The following PIEZO1 variants were observed in gnomAD, a reference collection of about 807,000 sequenced individuals.
The protein encoded by PIEZO1 is piezo-type mechanosensitive ion channel component 1.
PIEZO1 carries 296 observed loss-of-function variants against 297.2 expected under a neutral mutation model. That is an observed-to-expected ratio of 1.00 (90% CI 0.91 to 1.10). The LOEUF is 1.10. Among genes scored for constraint, PIEZO1 ranks in the 50% least tolerant of loss-of-function variants. The pLI, the probability that PIEZO1 is intolerant of heterozygous loss-of-function variation, is 0.00. For synonymous variants in PIEZO1, 2,427 were observed against 1,507.5 expected, an observed-to-expected ratio of 1.61 and a Z score of -14.13; for missense variants, 5,018 against 3,455.5, an observed-to-expected ratio of 1.45 and a Z score of -11.34.
In PIEZO1 at chr16:88,753,442, G is replaced by A. The variant is rs1906501499; in HGVS notation, c.65-3963C>T. Reference sequence around the variant, plus strand: ...GCCTTGCCACAGACACCAAGCAGGGGCAGCCTCACGGGTGGGATGAGAAGG... The same window carrying A: ...GCCTTGCCACAGACACCAAGCAGGGACAGCCTCACGGGTGGGATGAGAAGG... On this transcript the variant is annotated intron_variant, in intron 1 of 50. Transcript: ENST00000301015. 2.0e-5 allele frequency among the ~76,000 whole-genome samples: 3 copies of A among 151,930 alleles called. No individual in the cohort carries two copies. In the Middle Eastern group the frequency reaches 0.01, roughly 517 times the overall value.
Position 88,721,897 on chromosome 16 carries a change from C to T in PIEZO1, c.5125G>A (p.Val1709Met). The change falls in exon 37 of 51, where the codon GTG becomes ATG. Residue 1709 changes from valine to methionine, a missense_variant. Coordinates refer to ENST00000301015, the MANE Select transcript of PIEZO1 (RefSeq NM_001142864.4). ...HMVTASAGSLVLPVLVFLWAM... is the reference protein window; with the variant it reads ...HMVTASAGSLMLPVLVFLWAM... Reference sequence around the variant, plus strand: ...CACAGGAAGACGAGCACGGGCAGCACCAGCGAGCCGGCGGAGGCCGTGACC... The same window carrying T: ...CACAGGAAGACGAGCACGGGCAGCATCAGCGAGCCGGCGGAGGCCGTGACC... 2 of 1,550,086 alleles carry T rather than the reference C, an allele frequency of 1.3e-6. No homozygotes were observed. Among genetic ancestry groups the T allele is most frequent in the East Asian group, 2.4e-5 (1 of 40,902 alleles).
intron 40 of PIEZO1, 32 bp downstream of exon 40, chr16:88,720,584 C>T: frequency 6.5e-7 from 1 of 1,541,454 alleles, no homozygotes. Flanking sequence ...CCCACCCCCA[C>T]TCCCCAGCTG....
intron 21 of PIEZO1, 46 bp from the exon 22 acceptor site, chr16:88,731,956 G>GAGGGCGGGGT (rs747246644): frequency 3.5e-6 from 1 of 287,266 alleles, no homozygotes; most frequent in African/African-American, 2.2e-5. Flanking sequence ...TGAGTCTGGG[G>GAGGGCGGGGT]GGAGGGACTT....
Position 88,721,442 on chromosome 16 carries a change from G to C in PIEZO1, c.5404-12C>G, listed in dbSNP as rs769409639. ...CAGAGGCCATAGCACTGAGGGGCGG[G>C]AGGGTGTGGTGAGGGGGCCTTGCCT... On this transcript the variant is annotated splice_polypyrimidine_tract_variant and intron_variant, in intron 38 of 50. Transcript: ENST00000301015. 6.5e-7 allele frequency: 1 copy of C among 1,543,810 alleles called. No homozygotes were observed. The highest frequency in any genetic ancestry group is 8.8e-7 in the Non-Finnish European group (1 of 1,142,052).
At chr16:88,757,267 G>A (rs1398360147) in intron 1 of PIEZO1, among the ~76,000 whole-genome samples, 1 of 148,400 alleles carries the variant, frequency 6.7e-6, no homozygotes, top group East Asian at 2.0e-4. Context: ...GAGAGAGCTG[G>A]CAGCGCAGCA....
In PIEZO1 at chr16:88,715,406, G is replaced by GA. The variant is rs1911914811; in HGVS notation, c.*198dup. ...AAAAAACTCTACAGTACACGTGGGG[G>GA]ACGGCAGCGCCACGCAGGCCGTGGG... On this transcript the variant is annotated 3_prime_UTR_variant, in exon 51 of 51. Transcript: ENST00000301015. 1.0e-5 allele frequency: 10 copies of GA among 978,224 alleles called. 1 individual carries two copies. In the Middle Eastern group the frequency reaches 9.9e-4, roughly 97 times the overall value. 60.6% of individuals were successfully genotyped at this position (978,224 alleles called of 1,614,324 possible).
At position 88,720,488 on chromosome 16, in the gene PIEZO1, A is replaced by C. The variant is rs1179291814; in HGVS notation, c.5846T>G (p.Ile1949Ser). 1.0e-5 allele frequency: 16 copies of C among 1,550,386 alleles called. No homozygotes were observed. The highest frequency in any genetic ancestry group is 1.4e-5 in the Non-Finnish European group (16 of 1,146,954). The change falls in exon 41 of 51, where the codon ATC (isoleucine) becomes AGC (serine). Residue 1949 changes from isoleucine to serine, a missense_variant. Coordinates refer to ENST00000301015, the MANE Select transcript of PIEZO1 (RefSeq NM_001142864.4). ...GGCTGCGCGGTACTTGGTGTGCAGG[A>C]TGTCGTGGAAGAAGCGCCGTAGCGG... ...YRPLRRFFHDILHTKYRAATD... is the reference protein window; with the variant it reads ...YRPLRRFFHDSLHTKYRAATD...
intron 21 of PIEZO1, 67 bp downstream of exon 21, chr16:88,732,268 G>A (rs993818621): frequency 1.3e-4 from 186 of 1,381,346 alleles, no homozygotes; most frequent in Middle Eastern, 8.9e-4. Context: ...GTGCCTGCAC[G>A]GTGCAGCCGT....
chr16:88,732,445 G>A lies in PIEZO1; in HGVS notation c.2881C>T (p.Leu961=), dbSNP rs777219104. The A allele has an allele frequency of 6.5e-7, 1 of 1,549,626 alleles. No individual in the cohort carries two copies. The highest frequency in any genetic ancestry group is 1.2e-5 in the South Asian group (1 of 84,030). The stretch of plus-strand genomic sequence containing the variant: ...CTGGCAAACACGGCCTGGGCAGGCA[G>A]CGGGGCCAGCTGGTGCTGCCGGCGG... ...HYRRQHQLAP[L]PAQAVFASGT... The change falls in exon 21 of 51, where the codon CTG becomes TTG. Residue 961 remains leucine (L), a synonymous_variant. Coordinates refer to ENST00000301015, the MANE Select transcript of PIEZO1 (RefSeq NM_001142864.4).
chr16:88,735,318 C>G, intron 12 of PIEZO1, 72 bp from the exon 13 acceptor site: 1 of 1,084,718 alleles, frequency 9.2e-7, no homozygotes, highest in South Asian at 1.3e-5. Flanking sequence ...GGACCCAGCA[C>G]CCTCCTATAG....
At chr16:88,779,560 T>C (rs1364172939) in intron 1 of PIEZO1, among the ~76,000 whole-genome samples, 1 of 152,210 alleles carries the variant, frequency 6.6e-6, no homozygotes, top group Non-Finnish European at 1.5e-5. Context: ...CTTGGACTTC[T>C]GGCTGCTGCC....
At chr16:88,757,378 A>G (rs1198791069) in intron 1 of PIEZO1, among the ~76,000 whole-genome samples, 4 of 148,742 alleles carry the variant, frequency 2.7e-5, no homozygotes, top group African/African-American at 9.9e-5. Context: ...AAAAGGCTCC[A>G]ATGACAGTGC....
At chr16:88,748,219 C>T (rs1415641887) in intron 2 of PIEZO1, among the ~76,000 whole-genome samples, 1 of 75,436 alleles carries the variant, frequency 1.3e-5, no homozygotes, top group African/African-American at 5.1e-5. Context: ...GGGCCCGGCC[C>T]CACCCACGTT....
intron 1 of PIEZO1, among the ~76,000 whole-genome samples, chr16:88,767,637 C>G (rs1049327004): frequency 1.5e-4 from 23 of 152,164 alleles, no homozygotes; most frequent in African/African-American, 5.6e-4. Context: ...CCATGTCATC[C>G]TCAGCCACCT....
Position 88,726,896 on chromosome 16 carries a change from A to G in PIEZO1, c.3518T>C (p.Val1173Ala). 6.5e-7 allele frequency: 1 copy of G among 1,550,358 alleles called. No individual in the cohort carries two copies. ...FRYLFWLVLVVVFVTGATRIS... is the reference protein window; with the variant it reads ...FRYLFWLVLVAVFVTGATRIS... ...GCGGGTGGCCCCCGTGACAAACACCACCACCAGCACCAGCCAGAACAGGTA... is the reference window on the plus strand; with the variant it reads ...GCGGGTGGCCCCCGTGACAAACACCGCCACCAGCACCAGCCAGAACAGGTA... Residue 1173 changes from valine to alanine, a missense_variant, in exon 25 of 51, where the codon GTG becomes GCG. Physicochemically the swap from Val to Ala is moderately conservative, Grantham distance 64 (BLOSUM62 0). Transcript: ENST00000301015.
rs1345820713 is a variant in PIEZO1, at chr16:88,724,010, G to C, written c.4235-39C>G. On this transcript the variant is annotated intron_variant, in intron 30 of 50. Transcript: ENST00000301015. Reference sequence around the variant, plus strand: ...GCACTGAGAGCCAGCCTTCCATGCAGGGAGACTCCCAGCCAGACCCCCTCC... The same window carrying C: ...GCACTGAGAGCCAGCCTTCCATGCACGGAGACTCCCAGCCAGACCCCCTCC... 17 of 1,260,276 alleles carry C rather than the reference G, an allele frequency of 1.3e-5. No individual in the cohort carries two copies. In the Admixed American group the frequency reaches 3.4e-4, roughly 25 times the overall value. 78.1% of individuals were successfully genotyped at this position (1,260,276 alleles called of 1,614,324 possible).
chr16:88,736,084 C>T, intron 12 of PIEZO1, 64 bp downstream of exon 12: 3 of 1,453,642 alleles, frequency 2.1e-6, no homozygotes, highest in East Asian at 2.5e-5. Flanking sequence ...GGACATTGAA[C>T]AGGACGACAA....
intron 44 of PIEZO1, chr16:88,717,701 GAC>G: frequency 2.3e-6 from 1 of 439,854 alleles, no homozygotes; most frequent in South Asian, 1.7e-5. Flanking sequence ...AAATTTAAGA[GAC>G]AGTCCATAGA....
Position 88,726,640 on chromosome 16 carries a change from G to A in PIEZO1, c.3703C>T (p.Leu1235=). The change falls in exon 26 of 51, where the codon CTG becomes TTG. Residue 1235 remains leucine, a synonymous_variant. Coordinates refer to ENST00000301015, the MANE Select transcript of PIEZO1 (RefSeq NM_001142864.4). ...VIISKNMLSL[L]ACVFVEQMQT... ...ATCTGCTCCACGAAGACGCAGGCCA[G>A]GAGCTGGGGGAGAGCAGGGTCAGCG... 2 of 1,549,074 alleles carry A rather than the reference G, an allele frequency of 1.3e-6. No homozygotes were observed. The highest frequency in any genetic ancestry group is 2.4e-5 in the East Asian group (1 of 40,906).
Sources: allele counts gnomAD v4.1 joint callset (sites outside exome capture counted in the v4.1 genomes callset), GRCh38; gene constraint gnomAD v4.1.1; transcripts MANE v1.5; gene names NCBI Gene and HGNC (gene_info 2026-07-23, HGNC 2026-07-21).